The following DAPP1 variants were observed in gnomAD, a reference collection of about 807,000 sequenced individuals.
DAPP1 encodes the protein dual adaptor of phosphotyrosine and 3-phosphoinositides 1, also known as dual adapter for phosphotyrosine and 3-phosphotyrosine and 3-phosphoinositide.
Under a neutral mutation model 41.5 loss-of-function variants are expected in DAPP1, and 20 were observed. The ratio of observed to expected loss-of-function variants is 0.48; its 90% CI spans 0.34 to 0.70. The LOEUF (loss-of-function observed/expected upper bound fraction) is 0.70, where lower values mean the gene tolerates loss of function less well. Ranked by LOEUF, DAPP1 falls within the 30% of genes least tolerant of loss-of-function variation. The pLI, the probability that DAPP1 is intolerant of heterozygous loss-of-function variation, is 0.01. For synonymous variants in DAPP1, 113 were observed against 116.2 expected (o/e 0.97, Z 0.18); for missense variants, 233 against 333.4 (o/e 0.70, Z 2.35).
At chr4:99,838,281 G>A (rs1339888113) in intron 2 of DAPP1, among the ~76,000 whole-genome samples, 1 of 152,030 alleles carries the variant, frequency 6.6e-6, no homozygotes, top group African/African-American at 2.4e-5. Context: ...AAGCACTAGA[G>A]AATGCTTATT....
chr4:99,842,121 C>G (rs934024247), intron 3 of DAPP1, among the ~76,000 whole-genome samples: 4 of 152,154 alleles, frequency 2.6e-5, no homozygotes, highest in Non-Finnish European at 4.4e-5. Context: ...CCTAAGGATG[C>G]GCCAAAATAA....
At chr4:99,828,852 G>C (rs758402693) in intron 1 of DAPP1, among the ~76,000 whole-genome samples, 1 of 152,130 alleles carries the variant, frequency 6.6e-6, no homozygotes, top group Non-Finnish European at 1.5e-5. Flanking sequence ...AGCTTGATTA[G>C]TCTTTTCTCT....
intron 2 of DAPP1, among the ~76,000 whole-genome samples, chr4:99,839,788 G>A (rs946064350): frequency 3.3e-5 from 5 of 152,232 alleles, no homozygotes; most frequent in East Asian, 3.9e-4. Context: ...GAGGCTGGGC[G>A]TGGTGGCTAA....
intron 1 of DAPP1, among the ~76,000 whole-genome samples, chr4:99,834,919 G>A (rs1288400308): frequency 3.9e-5 from 6 of 151,994 alleles, no homozygotes; most frequent in East Asian, 1.9e-4. Context: ...ATGTTCATGC[G>A]CTGTTCTCCC....
chr4:99,849,054 A>G (rs902296389), intron 3 of DAPP1, among the ~76,000 whole-genome samples: 1 of 152,212 alleles, frequency 6.6e-6, no homozygotes, highest in Non-Finnish European at 1.5e-5. Flanking sequence ...GATTTTTATC[A>G]GTATAAGTTG....
At chr4:99,858,763 A>C (rs983896503) in intron 4 of DAPP1, among the ~76,000 whole-genome samples, 3 of 152,172 alleles carry the variant, frequency 2.0e-5, no homozygotes, top group South Asian at 2.1e-4. Context: ...CAAAATTTTC[A>C]ATCATTTTTA....
intron 4 of DAPP1, among the ~76,000 whole-genome samples, chr4:99,857,699 TATACAC>T (rs1167677563): frequency 1.9e-4 from 25 of 133,630 alleles, no homozygotes; most frequent in African/African-American, 7.0e-4. Context: ...TATGTATGTA[TATACAC>T]ACACACACAC....
At chr4:99,843,096 C>T (rs1723550645) in intron 3 of DAPP1, among the ~76,000 whole-genome samples, 1 of 152,202 alleles carries the variant, frequency 6.6e-6, no homozygotes, top group Non-Finnish European at 1.5e-5. Flanking sequence ...ATATTTCAGG[C>T]CACTGCTCTC....
chr4:99,825,252 GTGTCTCTGAGACTTTGTGCCACTC>G (rs1166810159), intron 1 of DAPP1, among the ~76,000 whole-genome samples: 1 of 151,964 alleles, frequency 6.6e-6, no homozygotes, highest in Non-Finnish European at 1.5e-5. Context: ...TTTGACTTTT[GTGTCTCTGAGACTTTGTGCCACTC>G]TGTCTCTGAA....
chr4:99,830,319 G>T (rs1723079932), intron 1 of DAPP1, among the ~76,000 whole-genome samples: 2 of 152,100 alleles, frequency 1.3e-5, no homozygotes, highest in African/African-American at 4.8e-5. Flanking sequence ...GGAGGCAGAG[G>T]TTGCAGTGAG....
rs1473483826 is a variant in DAPP1, at chr4:99,868,250, C to G, written c.*65C>G. On this transcript the variant is annotated 3_prime_UTR_variant, in exon 9 of 9. Coordinates refer to ENST00000512369, the MANE Select transcript of DAPP1 (RefSeq NM_014395.3). ...TGGAATGTTTCCCTGACGCTGTGAT[C>G]TGCAGCAGGCTTCAAATGAAAACCG... 1 of 1,366,034 alleles carries G rather than the reference C, an allele frequency of 7.3e-7. No individual in the cohort carries two copies. Among genetic ancestry groups the G allele is most frequent in the African/African-American group, 1.4e-5 (1 of 69,652 alleles). The allele number at this position is 1,366,034 out of a possible 1,614,324, so 84.6% of individuals were successfully genotyped here.
chr4:99,821,109 T>C (rs1430949263), intron 1 of DAPP1, among the ~76,000 whole-genome samples: 1 of 152,206 alleles, frequency 6.6e-6, no homozygotes, highest in African/African-American at 2.4e-5. Flanking sequence ...AAAATCAGGT[T>C]GCCTACAGTC....
chr4:99,830,232 A>C (rs1456592253), intron 1 of DAPP1, among the ~76,000 whole-genome samples: 1 of 152,150 alleles, frequency 6.6e-6, no homozygotes, highest in African/African-American at 2.4e-5. Flanking sequence ...AAAATACAAA[A>C]ATTATGCAGG....
At chr4:99,831,535 G>T (rs1433033618) in intron 1 of DAPP1, among the ~76,000 whole-genome samples, 1 of 152,150 alleles carries the variant, frequency 6.6e-6, no homozygotes, top group East Asian at 1.9e-4. Flanking sequence ...TGGACATTTA[G>T]GATGGCTCTA....
At chr4:99,864,824 G>A (rs894628842) in intron 7 of DAPP1, 3 of 152,070 alleles carry the variant, frequency 2.0e-5, no homozygotes, top group Non-Finnish European at 2.9e-5. Context: ...GATATTACCC[G>A]TGTCTGTCCC....
chr4:99,865,275 C>T (rs1724384752), intron 7 of DAPP1: 1 of 152,152 alleles, frequency 6.6e-6, no homozygotes, highest in Non-Finnish European at 1.5e-5. Flanking sequence ...TGCATCTCAA[C>T]TGTAAGTAAG....
intron 4 of DAPP1, 76 bp downstream of exon 4, chr4:99,853,424 T>C: frequency 6.6e-7 from 1 of 1,513,756 alleles, no homozygotes; most frequent in South Asian, 1.2e-5. Flanking sequence ...TTAATAAGAG[T>C]GTATTTGTTC....
chr4:99,845,236 C>G (rs1288546332), intron 3 of DAPP1, among the ~76,000 whole-genome samples: 1 of 152,198 alleles, frequency 6.6e-6, no homozygotes, highest in Non-Finnish European at 1.5e-5. Context: ...AGATTGGAAT[C>G]TGGGCTAATC....
chr4:99,830,424 T>C (rs918286304), intron 1 of DAPP1, among the ~76,000 whole-genome samples: 13 of 152,066 alleles, frequency 8.5e-5, no homozygotes, highest in African/African-American at 2.9e-4. Flanking sequence ...ATAGAAACTG[T>C]AAGGTCCATG....
Sources: gnomAD v4.1 joint callset for allele counts (sites outside exome capture counted in the v4.1 genomes callset) on GRCh38, gnomAD v4.1.1 for gene constraint, MANE v1.5 for transcripts, NCBI Gene and HGNC (gene_info 2026-07-23, HGNC 2026-07-21) for gene names.